Variants in HYDIN observed in about 807,000 individuals in gnomAD.
The protein encoded by HYDIN is axonemal central pair apparatus protein HYDIN.
Under a neutral mutation model 403.9 loss-of-function variants are expected in HYDIN, and 132 were observed. The observed-to-expected ratio is 0.33, with a 90% CI of 0.28 to 0.38. HYDIN has a LOEUF of 0.38. HYDIN is among the 10% of genes least tolerant of loss of function. HYDIN has a pLI of 1.00. For synonymous variants in HYDIN, 1,202 were observed against 1,891.7 expected (o/e 0.64, Z 9.46); for missense variants, 2,827 against 5,009.5 (o/e 0.56, Z 13.15).
chr16:70,940,744 T>C (rs1008493155), intron 43 of HYDIN, among the ~76,000 whole-genome samples: 6 of 152,246 alleles, frequency 3.9e-5, no homozygotes, highest in Admixed American at 3.3e-4. Context: ...CTTTGAGTTC[T>C]GTTCAAGGAC....
At chr16:71,098,145 C>T (rs1252427290) in intron 10 of HYDIN, among the ~76,000 whole-genome samples, 1 of 151,802 alleles carries the variant, frequency 6.6e-6, no homozygotes, top group Non-Finnish European at 1.5e-5. Context: ...AAAGAGGGTC[C>T]TCTAAAGATC....
intron 75 of HYDIN, 68 bp from the exon 76 acceptor site, chr16:70,840,301 A>C: frequency 1.6e-6 from 2 of 1,269,956 alleles, no homozygotes. Context: ...TTAAGTCCTC[A>C]GGTGAAGCAG....
At chr16:70,953,339 A>G (rs928743606) in intron 40 of HYDIN, among the ~76,000 whole-genome samples, 11 of 152,210 alleles carry the variant, frequency 7.2e-5, no homozygotes, top group African/African-American at 2.4e-4. Flanking sequence ...CAGAGCTTAC[A>G]TGGGGTCGGG....
chr16:71,179,079 T>C, intron 3 of HYDIN, 32 bp from the exon 4 acceptor site: 3 of 1,573,582 alleles, frequency 1.9e-6, no homozygotes, highest in Middle Eastern at 1.8e-4. Context: ...ATTGTTATAG[T>C]CACACATTGA....
intron 76 of HYDIN, among the ~76,000 whole-genome samples, chr16:70,839,303 A>G (rs1365695192): frequency 7.4e-6 from 1 of 134,902 alleles, no homozygotes; most frequent in African/African-American, 3.7e-5. Flanking sequence ...AAATTTGCCC[A>G]AGATCACACA....
chr16:71,213,506 G>C (rs1258011667), intron 1 of HYDIN, among the ~76,000 whole-genome samples: 1 of 152,014 alleles, frequency 6.6e-6, no homozygotes, highest in East Asian at 1.9e-4. Flanking sequence ...TCTTAAGGAA[G>C]TACTAAATTA....
intron 45 of HYDIN, 103 bp from the exon 46 acceptor site, chr16:70,921,320 C>T (rs1420044048): frequency 1.4e-5 from 18 of 1,324,780 alleles, no homozygotes; most frequent in East Asian, 1.2e-4. Flanking sequence ...AGAAGGTCTC[C>T]GAGGATCTGG....
chr16:70,883,027 G>T, intron 59 of HYDIN, 132 bp from the exon 60 acceptor site: 2 of 689,994 alleles, frequency 2.9e-6, no homozygotes, highest in Non-Finnish European at 5.2e-6. Context: ...ATGCAAGGGG[G>T]TGTGAGGGAT....
intron 75 of HYDIN, among the ~76,000 whole-genome samples, chr16:70,847,773 T>A (rs1177245845): frequency 6.6e-6 from 1 of 152,140 alleles, no homozygotes; most frequent in Admixed American, 6.6e-5. Context: ...GTGGATTTTT[T>A]TGAGTTTATC....
At chr16:70,957,721 T>TG (rs374068981) in intron 39 of HYDIN, among the ~76,000 whole-genome samples, 60,284 of 130,182 alleles carry the variant, frequency 0.46, 16,164 homozygotes, top group African/African-American at 0.73. Context: ...TTTCCACCTT[T>TG]TGGCTATTGT....
At chr16:71,038,723 C>T (rs2081183691) in intron 18 of HYDIN, among the ~76,000 whole-genome samples, 1 of 152,260 alleles carries the variant, frequency 6.6e-6, no homozygotes, top group Non-Finnish European at 1.5e-5. Context: ...TGCAGTGGCG[C>T]CATCTCGGAC....
At chr16:71,013,090 G>C (rs1004108658) in intron 23 of HYDIN, among the ~76,000 whole-genome samples, 2 of 144,862 alleles carry the variant, frequency 1.4e-5, no homozygotes. Flanking sequence ...GTGCTTGCTG[G>C]CCTCACAGGG....
At chr16:70,945,232 G>T (rs2077816157) in intron 41 of HYDIN, among the ~76,000 whole-genome samples, 1 of 152,178 alleles carries the variant, frequency 6.6e-6, no homozygotes, top group Non-Finnish European at 1.5e-5. Context: ...TTTGGAAGTA[G>T]GGCCAGTAGG....
chr16:71,168,070 C>T (rs1274355129), intron 5 of HYDIN, among the ~76,000 whole-genome samples: 4 of 152,042 alleles, frequency 2.6e-5, no homozygotes, highest in Non-Finnish European at 5.9e-5. Flanking sequence ...GTAATCTCAG[C>T]GCTTTGGGAG....
At chr16:71,034,300 C>T (rs577028450) in intron 18 of HYDIN, among the ~76,000 whole-genome samples, 1 of 151,742 alleles carries the variant, frequency 6.6e-6, no homozygotes, top group East Asian at 1.9e-4. Flanking sequence ...TCTATGGGGG[C>T]TCAGGTACAA....
chr16:71,084,749 C>T (rs113450560), intron 12 of HYDIN, among the ~76,000 whole-genome samples: 7,080 of 137,092 alleles, frequency 0.052, 164 homozygotes, highest in Middle Eastern at 0.13. Context: ...AGTCTTTGAT[C>T]CATGTAGAGG....
At chr16:71,125,732 A>G (rs1317206881) in intron 9 of HYDIN, among the ~76,000 whole-genome samples, 1 of 151,936 alleles carries the variant, frequency 6.6e-6, no homozygotes, top group African/African-American at 2.4e-5. Flanking sequence ...GTCTCACCTC[A>G]CCATCAACAG....
At chr16:71,219,175 T>A (rs2089054337) in intron 1 of HYDIN, among the ~76,000 whole-genome samples, 1 of 152,190 alleles carries the variant, frequency 6.6e-6, no homozygotes, top group Non-Finnish European at 1.5e-5. Context: ...GGCAAAGTTG[T>A]TTAACTTAGG....
intron 1 of HYDIN, among the ~76,000 whole-genome samples, chr16:71,193,498 A>G (rs1272048478): frequency 6.6e-6 from 1 of 152,226 alleles, no homozygotes; most frequent in Non-Finnish European, 1.5e-5. Flanking sequence ...CTCTGTCTTT[A>G]TAGATTTGCA....
Sources: gnomAD v4.1 joint callset for allele counts (sites outside exome capture counted in the v4.1 genomes callset) on GRCh38, gnomAD v4.1.1 for gene constraint, MANE v1.5 for transcripts, NCBI Gene and HGNC (gene_info 2026-07-23, HGNC 2026-07-21) for gene names.